MSH4: variants seen among roughly 807,000 people sequenced by gnomAD.
The protein encoded by MSH4 is mutS homolog 4, also known as mutS protein homolog 4.
MSH4 carries 106 observed loss-of-function variants against 113.7 expected under a neutral mutation model. The ratio of observed to expected loss-of-function variants is 0.93; its 90% CI spans 0.80 to 1.10. The LOEUF (loss-of-function observed/expected upper bound fraction) is 1.10, where lower values mean the gene tolerates loss of function less well. Among genes scored for constraint, MSH4 ranks in the 50% least tolerant of loss-of-function variants. The probability of loss-of-function intolerance (pLI) is 0.00; values close to 1 mark genes in which losing one functional copy is unlikely to be tolerated. For synonymous variants in MSH4, 368 were observed against 380.2 expected (o/e 0.97, Z 0.37); for missense variants, 1,061 against 1,093.7 (o/e 0.97, Z 0.42).
At chr1:75,893,439 G>C (rs1333569995) in intron 17 of MSH4, among the ~76,000 whole-genome samples, 3 of 152,180 alleles carry the variant, frequency 2.0e-5, no homozygotes, top group Non-Finnish European at 4.4e-5. Flanking sequence ...ATAGGAATGT[G>C]TAGGGAGACA....
intron 18 of MSH4, among the ~76,000 whole-genome samples, chr1:75,899,370 A>C (rs1652458265): frequency 6.6e-6 from 1 of 152,114 alleles, no homozygotes; most frequent in Non-Finnish European, 1.5e-5. Flanking sequence ...GATATCTCAG[A>C]GCTATATTGA....
At chr1:75,836,455 T>C (rs957393120) in intron 7 of MSH4, among the ~76,000 whole-genome samples, 21 of 152,076 alleles carry the variant, frequency 1.4e-4, no homozygotes, top group Admixed American at 1.3e-3. Flanking sequence ...TCTGCCACCA[T>C]ACTTAGCTAA....
intron 9 of MSH4, among the ~76,000 whole-genome samples, chr1:75,873,720 T>C (rs947078998): frequency 6.6e-6 from 1 of 152,018 alleles, no homozygotes; most frequent in African/African-American, 2.4e-5. Context: ...GCTCCATCCA[T>C]GTCCCTGCAA....
At chr1:75,844,788 A>G (rs1378234123) in intron 7 of MSH4, among the ~76,000 whole-genome samples, 2 of 152,234 alleles carry the variant, frequency 1.3e-5, no homozygotes, top group African/African-American at 4.8e-5. Context: ...CACTTTACAC[A>G]TTGCCATAGT....
chr1:75,907,662 C>CTCTT (rs1251934634), intron 19 of MSH4, among the ~76,000 whole-genome samples: 2 of 81,738 alleles, frequency 2.4e-5, no homozygotes, highest in African/African-American at 1.0e-4. Context: ...CACGGTGTAT[C>CTCTT]TCTCTCTCTC....
intron 8 of MSH4, among the ~76,000 whole-genome samples, chr1:75,860,549 A>G (rs549616047): frequency 6.6e-6 from 1 of 152,196 alleles, no homozygotes; most frequent in Non-Finnish European, 1.5e-5. Context: ...ATATGAAATT[A>G]TGGGTTGAAA....
At chr1:75,872,402 CACTT>C (rs1454828689) in intron 9 of MSH4, among the ~76,000 whole-genome samples, 4 of 152,142 alleles carry the variant, frequency 2.6e-5, no homozygotes. Flanking sequence ...AAAGAGGAAT[CACTT>C]ACGTTTATAT....
At chr1:75,837,539 A>T (rs1650858808) in intron 7 of MSH4, among the ~76,000 whole-genome samples, 1 of 151,734 alleles carries the variant, frequency 6.6e-6, no homozygotes, top group Non-Finnish European at 1.5e-5. Context: ...GGCACCCACC[A>T]CCACACCCGA....
chr1:75,827,137 T>C (rs1650571960), intron 7 of MSH4, among the ~76,000 whole-genome samples: 1 of 152,150 alleles, frequency 6.6e-6, no homozygotes, highest in East Asian at 1.9e-4. Flanking sequence ...TAACAGCGGA[T>C]CTCTGTGCAG....
intron 7 of MSH4, among the ~76,000 whole-genome samples, chr1:75,831,464 C>A (rs965538534): frequency 2.0e-5 from 3 of 152,146 alleles, no homozygotes; most frequent in African/African-American, 7.2e-5. Flanking sequence ...ACTCTCCACC[C>A]CAAAGCAGCA....
intron 15 of MSH4, among the ~76,000 whole-genome samples, chr1:75,885,904 T>A (rs1189457644): frequency 3.2e-5 from 4 of 124,580 alleles, no homozygotes; most frequent in African/African-American, 5.9e-5. Context: ...GATGTATTAT[T>A]TAGTATATAT....
At chr1:75,852,538 G>A (rs1043167638) in intron 8 of MSH4, among the ~76,000 whole-genome samples, 1 of 152,106 alleles carries the variant, frequency 6.6e-6, no homozygotes, top group Non-Finnish European at 1.5e-5. Flanking sequence ...TCCTTGTCAA[G>A]ACTTGTTATT....
chr1:75,835,011 T>G (rs1650798203), intron 7 of MSH4, among the ~76,000 whole-genome samples: 1 of 152,218 alleles, frequency 6.6e-6, no homozygotes, highest in Admixed American at 6.5e-5. Flanking sequence ...TGGTGCAGTT[T>G]TATTCTTAAA....
At chr1:75,877,855 G>A (rs2100569855) in intron 10 of MSH4, among the ~76,000 whole-genome samples, 1 of 152,250 alleles carries the variant, frequency 6.6e-6, no homozygotes, top group African/African-American at 2.4e-5. Context: ...CTTTAGAGAT[G>A]TATTTTGTAC....
At chr1:75,800,713 G>A (rs1293696135) in intron 1 of MSH4, among the ~76,000 whole-genome samples, 1 of 152,110 alleles carries the variant, frequency 6.6e-6, no homozygotes, top group African/African-American at 2.4e-5. Flanking sequence ...TAACCATACT[G>A]GTAATAAAGA....
intron 7 of MSH4, among the ~76,000 whole-genome samples, chr1:75,827,970 G>A (rs1203977638): frequency 6.6e-6 from 1 of 152,032 alleles, no homozygotes; most frequent in East Asian, 1.9e-4. Flanking sequence ...TCCCTTATTT[G>A]AATAAGAAAA....
At chr1:75,869,404 A>G (rs1273447860) in intron 9 of MSH4, among the ~76,000 whole-genome samples, 4 of 152,228 alleles carry the variant, frequency 2.6e-5, no homozygotes, top group Admixed American at 2.0e-4. Context: ...AGCTGAAGAA[A>G]TTCGCATAAG....
chr1:75,880,254 G>A, intron 13 of MSH4, 101 bp downstream of exon 13: 1 of 637,302 alleles, frequency 1.6e-6, no homozygotes, highest in Non-Finnish European at 2.7e-6. Flanking sequence ...ACAGACAATT[G>A]TAGAATTATG....
At chr1:75,825,021 G>T (rs532801650) in intron 7 of MSH4, among the ~76,000 whole-genome samples, 6 of 148,902 alleles carry the variant, frequency 4.0e-5, no homozygotes, top group Non-Finnish European at 8.9e-5. Flanking sequence ...GTAGCTAAAT[G>T]GGAATAACAT....
Sources: allele counts gnomAD v4.1 joint callset (sites outside exome capture counted in the v4.1 genomes callset), GRCh38; gene constraint gnomAD v4.1.1; transcripts MANE v1.5; gene names NCBI Gene and HGNC (gene_info 2026-07-23, HGNC 2026-07-21).